Variants in PHEX observed in about 807,000 individuals in gnomAD.
The protein encoded by PHEX is phosphate-regulating neutral endopeptidase PHEX.
PHEX carries 16 observed loss-of-function variants against 68.0 expected under a neutral mutation model. The observed-to-expected ratio is 0.24, with a 90% CI of 0.16 to 0.36. PHEX has a LOEUF of 0.36. Among genes scored for constraint, PHEX ranks in the 10% least tolerant of loss-of-function variants. The pLI is 1.00. For synonymous variants in PHEX, 208 were observed against 205.1 expected (o/e 1.01, Z -0.12); for missense variants, 480 against 575.5 (o/e 0.83, Z 1.70).
At chrX:22,042,796 C>T (rs1164978972) in intron 2 of PHEX, among the ~76,000 whole-genome samples, 2 of 109,042 alleles carry the variant, frequency 1.8e-5, no homozygotes, top group African/African-American at 6.8e-5. Flanking sequence ...GCCTGGGCAA[C>T]ATAGTGAGAC....
chrX:22,114,480 T>C lies in PHEX; in HGVS notation c.1196T>C (p.Leu399Ser), dbSNP rs767652424. The change falls in exon 11 of 22, where the codon TTG becomes TCG. Residue 399 changes from leucine to serine, a missense_variant. By Grantham distance (145) the Leu-to-Ser change is moderately radical. Transcript: ENST00000379374. ...CAGGTAATCCAGGGGACCACAACTT[T>C]GCTGCCTCAATGGGACAAATGTGTA... ...FSRVIQGTTTLLPQWDKCVNF... is the reference protein window; with the variant it reads ...FSRVIQGTTTSLPQWDKCVNF... 3.3e-6 allele frequency: 4 copies of C among 1,202,071 alleles called. No individual in the cohort carries two copies. Among genetic ancestry groups the C allele is most frequent in the Non-Finnish European group, 4.5e-6 (4 of 886,627 alleles).
chrX:22,226,390 T>G (rs1935499197), intron 18 of PHEX, 53 bp from the exon 19 acceptor site: 1 of 870,609 alleles, frequency 1.1e-6, no homozygotes, highest in African/African-American at 2.0e-5. Flanking sequence ...TGAATGATAG[T>G]TGACCGTGAA....
intron 1 of PHEX, among the ~76,000 whole-genome samples, chrX:22,034,798 G>A (rs1371873781): frequency 8.9e-6 from 1 of 112,511 alleles, no homozygotes; most frequent in Non-Finnish European, 1.9e-5. Flanking sequence ...ATTTTCACAA[G>A]ACCCCCAGGG....
chrX:22,041,265 C>CTCTCTCTCTCTCTCTATATATATA (rs1468778300), intron 2 of PHEX, among the ~76,000 whole-genome samples: 2 of 72,825 alleles, frequency 2.7e-5, no homozygotes, highest in African/African-American at 1.3e-4. Flanking sequence ...CTCTCTCTCT[C>CTCTCTCTCTCTCTCTATATATATA]TATATATATA....
intron 12 of PHEX, 67 bp from the exon 13 acceptor site, chrX:22,168,245 C>T: frequency 1.2e-6 from 1 of 805,738 alleles, no homozygotes; most frequent in South Asian, 2.0e-5. Flanking sequence ...CGCATTTCTA[C>T]ATCTTGTGAT....
At chrX:22,131,805 T>A (rs1443428828) in intron 11 of PHEX, among the ~76,000 whole-genome samples, 2 of 112,432 alleles carry the variant, frequency 1.8e-5, no homozygotes, top group Admixed American at 9.4e-5. Flanking sequence ...CCAGTGTTTT[T>A]TTTTTCTTGG....
intron 12 of PHEX, among the ~76,000 whole-genome samples, chrX:22,136,119 A>G (rs1022313140): frequency 9.1e-6 from 1 of 109,390 alleles, no homozygotes; most frequent in Non-Finnish European, 1.9e-5. Context: ...TGGTACTCAC[A>G]AAGAACACTA....
In PHEX at chrX:22,250,288, G is replaced by A. The variant is rs1169740624; in HGVS notation, c.*2335G>A. The A allele has an allele frequency of 8.9e-6, 1 of 111,976 alleles. No homozygotes were observed. Among genetic ancestry groups the A allele is most frequent in the Non-Finnish European group, 1.9e-5 (1 of 53,230 alleles). 9.2% of individuals were successfully genotyped at this position (111,976 alleles called of 1,213,427 possible). A position where few individuals can be genotyped will look rare whatever the true frequency, so the allele number is the denominator to read the frequency against. On this transcript the variant is annotated 3_prime_UTR_variant, in exon 22 of 22. Transcript: ENST00000379374. ...AAGATAAACAGACACTGATTAAGTG[G>A]TAGAAAGAGAAAGGTAAAATGCAAC... is the stretch of plus-strand genomic sequence containing the variant.
intron 5 of PHEX, among the ~76,000 whole-genome samples, chrX:22,084,827 T>C (rs756054782): frequency 9.0e-6 from 1 of 111,325 alleles, no homozygotes; most frequent in South Asian, 3.7e-4. Flanking sequence ...TCTTTGTATT[T>C]CTGTGGTCTC....
At chrX:22,219,755 A>G (rs191244799) in intron 17 of PHEX, among the ~76,000 whole-genome samples, 326 of 110,839 alleles carry the variant, frequency 2.9e-3, no homozygotes, top group African/African-American at 9.9e-3. Context: ...AGTAGCTGGG[A>G]TTACGGGCAC....
Position 22,251,043 on chromosome X carries a change from T to G in PHEX, c.*3090T>G, listed in dbSNP as rs1936550721. ...TACATTTATTCAATCAGTATTTCTA[T>G]AATCACTTAGCATTTGATAGGCTTC... is the stretch of plus-strand genomic sequence containing the variant. On this transcript the variant is annotated 3_prime_UTR_variant, in exon 22 of 22. Coordinates refer to ENST00000379374, the MANE Select transcript of PHEX (RefSeq NM_000444.6). 2 of 112,479 alleles carry G rather than the reference T, an allele frequency of 1.8e-5. No homozygotes were observed. The highest frequency in any genetic ancestry group is 3.6e-4 in the South Asian group (1 of 2,755). 9.3% of individuals were successfully genotyped at this position (112,479 alleles called of 1,213,427 possible).
At chrX:22,230,364 G>A (rs1294779806) in intron 20 of PHEX, among the ~76,000 whole-genome samples, 3 of 103,263 alleles carry the variant, frequency 2.9e-5, no homozygotes, top group Non-Finnish European at 3.9e-5. Flanking sequence ...AAATTACTTT[G>A]GGCAGTATGG....
At chrX:22,095,389 G>C (rs1240428824) in intron 7 of PHEX, among the ~76,000 whole-genome samples, 2 of 111,971 alleles carry the variant, frequency 1.8e-5, no homozygotes, top group Non-Finnish European at 3.8e-5. Flanking sequence ...CTGAGCCAGG[G>C]ATTTGGACCA....
intron 15 of PHEX, among the ~76,000 whole-genome samples, chrX:22,198,317 A>G (rs1340503949): frequency 9.3e-6 from 1 of 107,864 alleles, no homozygotes; most frequent in Non-Finnish European, 1.9e-5. Context: ...GTAGGCACCC[A>G]ATAAACATTA....
rs56899587 is a variant in PHEX, at chrX:22,216,492, CTTATTTATTTATTTATTTAT to C, written c.1701-2519_1701-2500del. Among the ~76,000 whole-genome samples, 13 of 88,051 alleles carry C rather than the reference CTTATTTATTTATTTATTTAT, an allele frequency of 1.5e-4. 1 individual carries two copies. In the South Asian group the frequency reaches 5.9e-3, roughly 40 times the overall value. The allele number at this position is 88,051 out of a possible 115,157, so 76.5% of individuals were successfully genotyped here. On this transcript the variant is annotated intron_variant, in intron 16 of 21. Transcript: ENST00000379374. The stretch of plus-strand genomic sequence containing the variant: ...AAAAGGGCGAGTTTATTTTTTTATG[CTTATTTATTTATTTATTTAT>C]TTATTTATTTATTTATTTATTTATG...
At chrX:22,157,743 GTCTA>G (rs1932994382) in intron 12 of PHEX, among the ~76,000 whole-genome samples, 1 of 112,222 alleles carries the variant, frequency 8.9e-6, no homozygotes, top group Non-Finnish European at 1.9e-5. Context: ...CTAGAATGTT[GTCTA>G]TCTTAGAGAG....
intron 20 of PHEX, among the ~76,000 whole-genome samples, chrX:22,244,529 G>A (rs1002147657): frequency 9.0e-6 from 1 of 111,232 alleles, no homozygotes; most frequent in African/African-American, 3.3e-5. Context: ...TTGAACCCAG[G>A]AGGTGGAGGT....
chrX:22,077,182 G>T (rs1929186498), intron 4 of PHEX, among the ~76,000 whole-genome samples: 1 of 111,787 alleles, frequency 8.9e-6, no homozygotes, highest in Admixed American at 9.5e-5. Context: ...TTATTCATTG[G>T]CTGGGTTCCA....
At chrX:22,224,994 T>TTTATTATTATA (rs1569433288) in intron 18 of PHEX, among the ~76,000 whole-genome samples, 1 of 6,071 alleles carries the variant, frequency 1.6e-4, no homozygotes, top group Non-Finnish European at 3.2e-4. Context: ...GCTCTGTATG[T>TTTATTATTATA]CAGAAGTCTG....
Sources: gnomAD v4.1 joint callset for allele counts (sites outside exome capture counted in the v4.1 genomes callset) on GRCh38, gnomAD v4.1.1 for gene constraint, MANE v1.5 for transcripts, NCBI Gene and HGNC (gene_info 2026-07-23, HGNC 2026-07-21) for gene names.